PI4KA: variants seen among roughly 807,000 people sequenced by gnomAD.
PI4KA encodes the protein PI4-kinase alpha.
In PI4KA, 122 loss-of-function variants were observed where a neutral mutation model predicts 271.4. That is an observed-to-expected ratio of 0.45 (90% CI 0.39 to 0.52). PI4KA has a LOEUF of 0.52. Among genes scored for constraint, PI4KA ranks in the 20% least tolerant of loss-of-function variants. The pLI, the probability that PI4KA is intolerant of heterozygous loss-of-function variation, is 0.00. For missense variants in PI4KA, 1,969 were observed against 2,769.1 expected, an observed-to-expected ratio of 0.71 and a Z score of 6.48; for synonymous variants, 1,041 against 1,078.8, an observed-to-expected ratio of 0.96 and a Z score of 0.69.
At position 20,710,827 on chromosome 22, in the gene PI4KA, G is replaced by A. The variant is rs144997356; in HGVS notation, c.5955C>T (p.Gly1985=). 1,745 of 1,612,056 alleles carry A rather than the reference G, an allele frequency of 1.1e-3. 4 individuals carry two copies. The African/African-American group carries it at 0.02, about 18-fold the overall frequency. Residue 1985 remains glycine (G), a synonymous_variant, in exon 52 of 55, where the codon GGC becomes GGT. Coordinates refer to ENST00000255882, the MANE Select transcript of PI4KA (RefSeq NM_058004.4). ...DFGFMFESSP[G]GNLGWEPDIK... is the part of the protein sequence containing the mutation. ...TGTCGGGTTCCCAGCCGAGATTGCC[G>A]CCCGGCGAGCTTTCAAACATGAAGC...
chr22:20,765,021 CAT>C (rs1932393801), intron 21 of PI4KA, 71 bp from the exon 22 acceptor site: 27 of 1,579,478 alleles, frequency 1.7e-5, no homozygotes, highest in African/African-American at 1.3e-5. Flanking sequence ...TGGCTGGCAA[CAT>C]GTGTTAATAA....
intron 32 of PI4KA, among the ~76,000 whole-genome samples, chr22:20,736,104 G>C (rs976835166): frequency 2.0e-5 from 3 of 152,146 alleles, no homozygotes; most frequent in Non-Finnish European, 4.4e-5. Flanking sequence ...GCGAGTGAGC[G>C]TGTGACAGAC....
rs180996391 is a variant in PI4KA at position 20,731,959 on chromosome 22, C to T, written c.4288+1012G>A. On this transcript the variant is annotated intron_variant, in intron 36 of 54. Transcript: ENST00000255882. ...ATAAAAATAAAAAAAAAAGTCTGGG[C>T]GCGGAGATCGAGACCATCCTGGCTA... is the stretch of plus-strand genomic sequence containing the variant. Among the ~76,000 whole-genome samples the T allele has an allele frequency of 2.8e-5, 4 of 140,690 alleles. No homozygotes were observed. The East Asian group carries it at 6.3e-4, about 22-fold the overall frequency. 92.3% of individuals were successfully genotyped at this position (140,690 alleles called of 152,430 possible).
Position 20,813,409 on chromosome 22 carries a change from T to A in PI4KA, c.954A>T (p.Thr318=). 6.2e-7 allele frequency: 1 copy of A among 1,613,740 alleles called. No individual in the cohort carries two copies. Among genetic ancestry groups the A allele is most frequent in the Non-Finnish European group, 8.5e-7 (1 of 1,179,614 alleles). Residue 318 remains threonine (T), a synonymous_variant, in exon 8 of 55, where the codon ACA becomes ACT. Coordinates refer to ENST00000255882, the MANE Select transcript of PI4KA (RefSeq NM_058004.4). The part of the protein sequence containing the change: ...FSVSPLFNGV[T]YKEFNIPLEM... ...CCAATGGAATGTTAAACTCCTTATA[T>A]GTGACACCGTTGAAAAGGGGAGAGA...
chr22:20,774,910 C>A (rs2147454088), intron 19 of PI4KA, among the ~76,000 whole-genome samples: 1 of 152,122 alleles, frequency 6.6e-6, no homozygotes, highest in Admixed American at 6.6e-5. Context: ...AATGACAGGG[C>A]AAAGGTTCCA....
intron 1 of PI4KA, among the ~76,000 whole-genome samples, chr22:20,851,818 A>G (rs1927018432): frequency 6.6e-6 from 1 of 152,248 alleles, no homozygotes; most frequent in Non-Finnish European, 1.5e-5. Flanking sequence ...CACACAAATG[A>G]AAGTAGCGTT....
At chr22:20,784,965 A>G (rs1406212163) in intron 19 of PI4KA, among the ~76,000 whole-genome samples, 1 of 152,024 alleles carries the variant, frequency 6.6e-6, no homozygotes, top group Non-Finnish European at 1.5e-5. Flanking sequence ...CCGGGTAGCC[A>G]GTCATCATGC....
Position 20,858,609 on chromosome 22 carries a change from G to A in PI4KA, c.117C>T (p.Ala39=), listed in dbSNP as rs1169417754. 16 of 1,481,950 alleles carry A rather than the reference G, an allele frequency of 1.1e-5. No individual in the cohort carries two copies. The highest frequency in any genetic ancestry group is 2.0e-4 in the Middle Eastern group (1 of 5,000). 91.8% of individuals were successfully genotyped at this position (1,481,950 alleles called of 1,614,324 possible). The change falls in exon 1 of 55, where the codon GCC becomes GCT. Residue 39 remains alanine (A), a synonymous_variant. Transcript: ENST00000255882. The part of the protein sequence containing the change: ...GFYFNTVLSL[A]RSLAVQRPAS... ...CTGGTCTCTGCACCGCCAGGGAGCG[G>A]GCCAGTGACAGGACCGTGTTGAAAT...
chr22:20,793,183 G>C lies in PI4KA; in HGVS notation c.2328+10C>G. ...CTGCAGTTTTTATCATTCAATTAAT[G>C]AATACTCACCACAGCTATTACAGGA... On this transcript the variant is annotated intron_variant, in intron 19 of 54. Transcript: ENST00000255882. 1 of 1,482,936 alleles carries C rather than the reference G, an allele frequency of 6.7e-7. No individual in the cohort carries two copies. The highest frequency in any genetic ancestry group is 1.4e-5 in the African/African-American group (1 of 72,342). 91.9% of individuals were successfully genotyped at this position (1,482,936 alleles called of 1,614,324 possible).
intron 3 of PI4KA, among the ~76,000 whole-genome samples, chr22:20,828,506 A>G (rs1293205787): frequency 6.6e-6 from 1 of 151,976 alleles, no homozygotes; most frequent in Non-Finnish European, 1.5e-5. Context: ...ATAGATGGCT[A>G]TTATTACTTT....
At chr22:20,819,303 G>A (rs888574918) in intron 6 of PI4KA, among the ~76,000 whole-genome samples, 3 of 148,802 alleles carry the variant, frequency 2.0e-5, no homozygotes, top group African/African-American at 4.9e-5. Flanking sequence ...TTAAAGGAGT[G>A]GTTTTTTTTT....
chr22:20,779,352 A>G lies in PI4KA; in HGVS notation c.2329-13659T>C, dbSNP rs1306898008. 8.7e-6 allele frequency: 14 copies of G among 1,614,066 alleles called. No individual in the cohort carries two copies. The highest frequency in any genetic ancestry group is 1.2e-5 in the Non-Finnish European group (14 of 1,180,036). ...AAACGCACTTCTCATTTTCCTCATC[A>G]TAACATCTGCGTGGGGTGGGAGCAA... On this transcript the variant is annotated intron_variant, in intron 19 of 54. Coordinates refer to ENST00000255882, the MANE Select transcript of PI4KA (RefSeq NM_058004.4).
intron 19 of PI4KA, among the ~76,000 whole-genome samples, chr22:20,771,826 C>T (rs1181177637): frequency 1.3e-5 from 2 of 152,104 alleles, no homozygotes; most frequent in Admixed American, 1.3e-4. Context: ...AAGTGATCCA[C>T]CCGCCTTGGC....
intron 32 of PI4KA, among the ~76,000 whole-genome samples, chr22:20,739,116 C>T (rs558096751): frequency 2.1e-4 from 31 of 151,126 alleles, no homozygotes; most frequent in Admixed American, 8.6e-4. Context: ...GAGGCCGAGG[C>T]GGGCGGATCA....
intron 36 of PI4KA, among the ~76,000 whole-genome samples, chr22:20,732,524 T>C (rs1471416301): frequency 6.6e-6 from 1 of 152,248 alleles, no homozygotes; most frequent in Admixed American, 6.5e-5. Flanking sequence ...CTCTGATTCC[T>C]CAACTCTGGA....
rs1928334891 is a variant in PI4KA at position 20,733,636 on chromosome 22, G to A, written c.4160+100C>T. 3.8e-6 allele frequency: 6 copies of A among 1,595,066 alleles called. No homozygotes were observed. In the South Asian group the frequency reaches 6.8e-5, roughly 18 times the overall value. ...GGTTGGTGAGCACAACTGGGCAACTGTGTATTCCTGTGAGTGACTTCCTGG... is the reference window on the plus strand; with the variant it reads ...GGTTGGTGAGCACAACTGGGCAACTATGTATTCCTGTGAGTGACTTCCTGG... On this transcript the variant is annotated intron_variant, in intron 35 of 54. Transcript: ENST00000255882.
At chr22:20,818,397 T>A in intron 7 of PI4KA, 86 bp downstream of exon 7, 1 of 945,920 alleles carries the variant, frequency 1.1e-6, no homozygotes, top group East Asian at 2.9e-5. Context: ...AGAGTTAGTA[T>A]CAGCATCCTT....
At chr22:20,756,077 G>A (rs1222328072) in intron 23 of PI4KA, among the ~76,000 whole-genome samples, 1 of 152,140 alleles carries the variant, frequency 6.6e-6, no homozygotes, top group Non-Finnish European at 1.5e-5. Context: ...GGGTAAGTGG[G>A]ACCGCAGCAA....
chr22:20,841,040 T>TA (rs1925489157), intron 1 of PI4KA, among the ~76,000 whole-genome samples: 3 of 152,024 alleles, frequency 2.0e-5, no homozygotes, highest in Non-Finnish European at 4.4e-5. Context: ...ACCTTGCTGA[T>TA]AAAACAGGCT....
Sources: allele counts gnomAD v4.1 joint callset (sites outside exome capture counted in the v4.1 genomes callset), GRCh38; gene constraint gnomAD v4.1.1; transcripts MANE v1.5; gene names NCBI Gene and HGNC (gene_info 2026-07-23, HGNC 2026-07-21).